The following HS6ST3 variants were observed in gnomAD, a reference collection of about 807,000 sequenced individuals.
The protein encoded by HS6ST3 is heparan-sulfate 6-O-sulfotransferase 3.
HS6ST3 carries 12 observed loss-of-function variants against 36.7 expected under a neutral mutation model. That is an observed-to-expected ratio of 0.33 (90% confidence interval 0.21 to 0.53). The LOEUF (loss-of-function observed/expected upper bound fraction) is 0.53, where lower values mean the gene tolerates loss of function less well. Among genes scored for constraint, HS6ST3 ranks in the 20% least tolerant of loss-of-function variants. The pLI is 0.95. For synonymous variants in HS6ST3, 240 were observed against 257.5 expected, an observed-to-expected ratio of 0.93 and a Z score of 0.65; for missense variants, 584 against 640.9, an observed-to-expected ratio of 0.91 and a Z score of 0.96.
chr13:96,442,011 A>G (rs1433351755), intron 1 of HS6ST3, among the ~76,000 whole-genome samples: 1 of 152,042 alleles, frequency 6.6e-6, no homozygotes, highest in Non-Finnish European at 1.5e-5. Context: ...TGGGCTGATC[A>G]GAATGATAAT....
intron 1 of HS6ST3, among the ~76,000 whole-genome samples, chr13:96,682,491 T>C (rs1034891605): frequency 6.6e-6 from 1 of 152,104 alleles, no homozygotes; most frequent in Non-Finnish European, 1.5e-5. Context: ...GAGCTCTGGC[T>C]GTAAATTGGG....
chr13:96,551,764 C>G (rs1264918169), intron 1 of HS6ST3, among the ~76,000 whole-genome samples: 1 of 152,146 alleles, frequency 6.6e-6, no homozygotes, highest in East Asian at 1.9e-4. Context: ...TCGCCTACTG[C>G]TCGTCACACA....
intron 1 of HS6ST3, among the ~76,000 whole-genome samples, chr13:96,183,613 T>C (rs1044115827): frequency 6.6e-6 from 1 of 152,338 alleles, no homozygotes. Context: ...AGGAAGTTCT[T>C]ACCTGTGCTA....
At chr13:96,703,857 T>C (rs1875351479) in intron 1 of HS6ST3, among the ~76,000 whole-genome samples, 1 of 152,284 alleles carries the variant, frequency 6.6e-6, no homozygotes, top group South Asian at 2.1e-4. Context: ...TTCCCCATGC[T>C]GTTCTCATGC....
intron 1 of HS6ST3, among the ~76,000 whole-genome samples, chr13:96,385,180 CAA>C (rs11317656): frequency 1.3e-3 from 164 of 129,302 alleles, no homozygotes; most frequent in Non-Finnish European, 1.4e-3. Context: ...ACTCTGTATC[CAA>C]AAAAAAAAAA....
chr13:96,710,310 C>A (rs140940988), intron 1 of HS6ST3, among the ~76,000 whole-genome samples: 2 of 152,246 alleles, frequency 1.3e-5, no homozygotes, highest in Admixed American at 1.3e-4. Flanking sequence ...ACTGGCCACA[C>A]TCATTTGGGG....
intron 1 of HS6ST3, among the ~76,000 whole-genome samples, chr13:96,346,127 C>T (rs1165220065): frequency 6.6e-6 from 1 of 152,150 alleles, no homozygotes; most frequent in East Asian, 1.9e-4. Context: ...GCTGTGCAGC[C>T]CAGTCCCTAA....
In HS6ST3 at chr13:96,230,937, G is replaced by A. The variant is rs150880987; in HGVS notation, c.707+139368G>A. Among the ~76,000 whole-genome samples, 412 of 152,152 alleles carry A rather than the reference G, an allele frequency of 2.7e-3. 3 individuals are homozygous for A. Among genetic ancestry groups the A allele is most frequent in the African/African-American group, 9.5e-3 (393 of 41,520 alleles). On this transcript the variant is annotated intron_variant, in intron 1 of 1. Coordinates refer to ENST00000376705, the MANE Select transcript of HS6ST3 (RefSeq NM_153456.4). ...AACAGAAAGACGTGAAGATACTTGCGGAAATTGACAAATATAGTGGTTGAG... is the reference window on the plus strand; with the variant it reads ...AACAGAAAGACGTGAAGATACTTGCAGAAATTGACAAATATAGTGGTTGAG...
At chr13:96,656,998 T>TGAGAGAGAGAGAGAGA (rs1179705458) in intron 1 of HS6ST3, among the ~76,000 whole-genome samples, 2 of 98,276 alleles carry the variant, frequency 2.0e-5, no homozygotes, top group African/African-American at 8.6e-5. Flanking sequence ...TGTGTGTGTG[T>TGAGAGAGAGAGAGAGA]GAGAGAGAGA....
chr13:96,709,394 G>A (rs1438769421), intron 1 of HS6ST3, among the ~76,000 whole-genome samples: 1 of 152,204 alleles, frequency 6.6e-6, no homozygotes, highest in African/African-American at 2.4e-5. Context: ...TTTAGGAAAT[G>A]TGTCTTATTC....
chr13:96,689,435 T>C (rs1382856498), intron 1 of HS6ST3, among the ~76,000 whole-genome samples: 1 of 151,950 alleles, frequency 6.6e-6, no homozygotes, highest in Non-Finnish European at 1.5e-5. Flanking sequence ...ATAAACTATA[T>C]TCTGGTATAG....
intron 1 of HS6ST3, among the ~76,000 whole-genome samples, chr13:96,742,494 C>G (rs182909836): frequency 1.9e-4 from 29 of 152,078 alleles, no homozygotes; most frequent in Admixed American, 1.8e-3. Flanking sequence ...AAAAGATATA[C>G]CAGGCAAATG....
intron 1 of HS6ST3, among the ~76,000 whole-genome samples, chr13:96,204,636 C>T (rs545971486): frequency 8.6e-5 from 13 of 151,930 alleles, no homozygotes; most frequent in African/African-American, 3.1e-4. Context: ...ACTGAAATTA[C>T]AACAGTCTCT....
At chr13:96,811,604 TTTAAG>T (rs1230509293) in intron 1 of HS6ST3, among the ~76,000 whole-genome samples, 20 of 147,350 alleles carry the variant, frequency 1.4e-4, no homozygotes, top group South Asian at 4.2e-4. Context: ...CATAGTAGTA[TTTAAG>T]TTATCTGTTG....
chr13:96,330,100 G>C (rs1217018122), intron 1 of HS6ST3, among the ~76,000 whole-genome samples: 1 of 139,676 alleles, frequency 7.2e-6, no homozygotes, highest in African/African-American at 2.7e-5. Context: ...TGGGTTTCCT[G>C]AATACAGCAC....
At chr13:96,150,773 A>AC (rs892912366) in intron 1 of HS6ST3, among the ~76,000 whole-genome samples, 6 of 152,092 alleles carry the variant, frequency 3.9e-5, no homozygotes, top group African/African-American at 1.2e-4. Context: ...TCCATGAAGG[A>AC]CCCTCTTGGG....
chr13:96,658,036 T>C lies in HS6ST3; in HGVS notation c.708-174454T>C, dbSNP rs77708637. On this transcript the variant is annotated intron_variant, in intron 1 of 1. Coordinates refer to ENST00000376705, the MANE Select transcript of HS6ST3 (RefSeq NM_153456.4). ...AAAGTTCTGTTGTACCTCTTCCCCA[T>C]GGGGATGATTTTTGATTTCTGCCAT... Among the ~76,000 whole-genome samples, 1,211 of 152,200 alleles carry C rather than the reference T, an allele frequency of 8.0e-3. 16 individuals carry two copies. The highest frequency in any genetic ancestry group is 0.027 in the African/African-American group (1,112 of 41,542).
chr13:96,183,947 C>T (rs1594707688), intron 1 of HS6ST3, among the ~76,000 whole-genome samples: 1 of 152,018 alleles, frequency 6.6e-6, no homozygotes, highest in Admixed American at 6.6e-5. Context: ...TCACGCCTGT[C>T]ATCCCAGCAC....
intron 1 of HS6ST3, among the ~76,000 whole-genome samples, chr13:96,501,168 C>G (rs1029268684): frequency 2.0e-5 from 3 of 152,160 alleles, no homozygotes; most frequent in Non-Finnish European, 4.4e-5. Context: ...GCTGATGTGT[C>G]TGGCTGATGA....
Sources: gnomAD v4.1 joint callset for allele counts (sites outside exome capture counted in the v4.1 genomes callset) on GRCh38, gnomAD v4.1.1 for gene constraint, MANE v1.5 for transcripts, NCBI Gene and HGNC (gene_info 2026-07-23, HGNC 2026-07-21) for gene names.